The following ASIC2 variants were observed in gnomAD, a reference collection of about 807,000 sequenced individuals.
The protein encoded by ASIC2 is acid sensing ion channel subunit 2, also known as acid-sensing ion channel 2.
A neutral mutation model predicts 57.3 loss-of-function variants in ASIC2; 25 were observed. The observed-to-expected ratio is 0.44, with a 90% CI of 0.32 to 0.61. ASIC2 has a LOEUF of 0.61. ASIC2 is among the 20% of genes least tolerant of loss of function. The probability of loss-of-function intolerance (pLI) is 0.06; values close to 1 mark genes in which losing one functional copy is unlikely to be tolerated. For missense variants in ASIC2, 641 were observed against 738.1 expected, an observed-to-expected ratio of 0.87 and a Z score of 1.52; for synonymous variants, 319 against 307.5, an observed-to-expected ratio of 1.04 and a Z score of -0.39.
intron 1 of ASIC2, among the ~76,000 whole-genome samples, chr17:33,476,256 C>T (rs1251244042): frequency 1.3e-5 from 2 of 152,072 alleles, no homozygotes; most frequent in Admixed American, 6.5e-5. Flanking sequence ...ACCATCACTG[C>T]GACCTCCACC....
chr17:33,304,488 C>A (rs368257614), intron 1 of ASIC2, among the ~76,000 whole-genome samples: 9 of 152,192 alleles, frequency 5.9e-5, no homozygotes, highest in Admixed American at 4.6e-4. Context: ...ATCCTCGGAC[C>A]TTTTGGTTGA....
At chr17:33,123,810 C>A (rs72819115) in intron 1 of ASIC2, among the ~76,000 whole-genome samples, 23,078 of 152,164 alleles carry the variant, frequency 0.15, 2,188 homozygotes, top group Non-Finnish European at 0.21. Flanking sequence ...ACTCCTTGCA[C>A]CTGCCTCATT....
At chr17:34,057,843 G>T (rs1908825929) in intron 1 of ASIC2, among the ~76,000 whole-genome samples, 1 of 152,082 alleles carries the variant, frequency 6.6e-6, no homozygotes, top group Non-Finnish European at 1.5e-5. Flanking sequence ...GCCTGTGATA[G>T]AACCAAAGTC....
intron 1 of ASIC2, among the ~76,000 whole-genome samples, chr17:34,095,986 A>G (rs977680201): frequency 6.6e-6 from 1 of 152,156 alleles, no homozygotes; most frequent in Non-Finnish European, 1.5e-5. Flanking sequence ...GAAAAAGTAG[A>G]TAACTTTCCC....
chr17:33,607,953 G>T (rs984064151), intron 1 of ASIC2, among the ~76,000 whole-genome samples: 1 of 152,206 alleles, frequency 6.6e-6, no homozygotes, highest in Non-Finnish European at 1.5e-5. Context: ...TCAACCGGAA[G>T]ACTTTGCCTT....
chr17:34,085,350 G>T lies in ASIC2; in HGVS notation c.555+70628C>A, dbSNP rs147954159. On this transcript the variant is annotated intron_variant, in intron 1 of 9. Transcript: ENST00000359872. ...TATGCTGGATTACATTTACTGATTT[G>T]TGTATATTGAACCAGACTTGCATCC... Among the ~76,000 whole-genome samples the T allele has an allele frequency of 6.9e-3, 1,045 of 152,306 alleles. 18 individuals carry two copies. Among genetic ancestry groups the T allele is most frequent in the African/African-American group, 0.024 (977 of 41,558 alleles).
At chr17:33,185,644 A>T (rs1906163139) in intron 1 of ASIC2, among the ~76,000 whole-genome samples, 2 of 152,194 alleles carry the variant, frequency 1.3e-5, no homozygotes, top group Admixed American at 1.3e-4. Context: ...TAGAATTCAC[A>T]AGATAAGAGT....
chr17:33,491,133 T>C (rs1188075373), intron 1 of ASIC2, among the ~76,000 whole-genome samples: 1 of 152,202 alleles, frequency 6.6e-6, no homozygotes, highest in African/African-American at 2.4e-5. Context: ...ACAGTGGTTC[T>C]ATTTTCTGTC....
chr17:33,543,407 C>T (rs1027664526), intron 1 of ASIC2, among the ~76,000 whole-genome samples: 1 of 152,144 alleles, frequency 6.6e-6, no homozygotes, highest in African/African-American at 2.4e-5. Context: ...GTACTCTCTC[C>T]CTTTCATGTG....
At chr17:33,916,415 G>C (rs942737571) in intron 1 of ASIC2, among the ~76,000 whole-genome samples, 1 of 152,152 alleles carries the variant, frequency 6.6e-6, no homozygotes, top group African/African-American at 2.4e-5. Flanking sequence ...CTGAGAACTG[G>C]AGAGAACCAA....
intron 1 of ASIC2, among the ~76,000 whole-genome samples, chr17:34,068,925 A>G (rs1235781454): frequency 2.0e-5 from 3 of 152,172 alleles, no homozygotes; most frequent in Admixed American, 6.5e-5. Flanking sequence ...GCTTTTAGTA[A>G]GCAAGTGAAG....
chr17:33,119,305 A>T (rs758867939), intron 1 of ASIC2, among the ~76,000 whole-genome samples: 4 of 152,198 alleles, frequency 2.6e-5, no homozygotes, highest in Non-Finnish European at 4.4e-5. Context: ...CTCTTCCCTG[A>T]GTCAATTCCG....
chr17:33,228,988 T>A (rs964420630), intron 1 of ASIC2, among the ~76,000 whole-genome samples: 4 of 152,122 alleles, frequency 2.6e-5, no homozygotes, highest in Admixed American at 2.6e-4. Context: ...GGTACCCAGA[T>A]ATGCTCAGCA....
chr17:33,068,288 A>C (rs2141946951), intron 3 of ASIC2, among the ~76,000 whole-genome samples: 1 of 152,324 alleles, frequency 6.6e-6, no homozygotes, highest in South Asian at 2.1e-4. Context: ...GGCAACACCC[A>C]GAGGCAATAG....
chr17:34,024,144 GA>G (rs1310065144), intron 1 of ASIC2, among the ~76,000 whole-genome samples: 1 of 152,192 alleles, frequency 6.6e-6, no homozygotes, highest in Non-Finnish European at 1.5e-5. Context: ...CTCAGTGTAT[GA>G]AGAGCTGGAA....
chr17:33,395,063 T>A (rs1044791382), intron 1 of ASIC2, among the ~76,000 whole-genome samples: 5 of 141,042 alleles, frequency 3.5e-5, no homozygotes, highest in African/African-American at 1.3e-4. Context: ...TACCCATCCA[T>A]CCACTCATCC....
At chr17:34,024,067 T>C (rs1280810589) in intron 1 of ASIC2, among the ~76,000 whole-genome samples, 1 of 152,184 alleles carries the variant, frequency 6.6e-6, no homozygotes, top group Non-Finnish European at 1.5e-5. Context: ...CAGGCCTGTC[T>C]TACTCTTAAC....
chr17:33,269,292 G>C (rs1301802604), intron 1 of ASIC2, among the ~76,000 whole-genome samples: 1 of 152,216 alleles, frequency 6.6e-6, no homozygotes, highest in Non-Finnish European at 1.5e-5. Flanking sequence ...TTGTCTCCCT[G>C]ACCCCCCGAC....
chr17:33,824,709 G>A (rs1912852450), intron 1 of ASIC2, among the ~76,000 whole-genome samples: 1 of 152,112 alleles, frequency 6.6e-6, no homozygotes, highest in Non-Finnish European at 1.5e-5. Flanking sequence ...TCTTGTGATA[G>A]TGAATTAAGT....
Sources: allele counts gnomAD v4.1 joint callset (sites outside exome capture counted in the v4.1 genomes callset), GRCh38; gene constraint gnomAD v4.1.1; transcripts MANE v1.5; gene names NCBI Gene and HGNC (gene_info 2026-07-23, HGNC 2026-07-21).